Variants in FARS2 observed in about 807,000 individuals in gnomAD.
The protein encoded by FARS2 is phenylalanine--tRNA ligase, mitochondrial.
A neutral mutation model predicts 46.4 loss-of-function variants in FARS2; 40 were observed. The observed-to-expected ratio is 0.86, with a 90% CI of 0.67 to 1.12. The LOEUF (loss-of-function observed/expected upper bound fraction) is 1.12, where lower values mean the gene tolerates loss of function less well. Ranked by LOEUF, FARS2 falls within the 50% of genes most tolerant of loss-of-function variation. The probability of loss-of-function intolerance (pLI) is 0.00; values close to 1 mark genes in which losing one functional copy is unlikely to be tolerated. For missense variants in FARS2, 513 were observed against 567.9 expected, an observed-to-expected ratio of 0.90 and a Z score of 0.98; for synonymous variants, 234 against 214.9, an observed-to-expected ratio of 1.09 and a Z score of -0.78.
chr6:5,500,464 G>T (rs956393865), intron 4 of FARS2, among the ~76,000 whole-genome samples: 3 of 152,224 alleles, frequency 2.0e-5, no homozygotes, highest in Non-Finnish European at 2.9e-5. Context: ...TGACTGAAGG[G>T]AAATCAAGGC....
At chr6:5,616,021 A>T (rs944173046) in intron 6 of FARS2, among the ~76,000 whole-genome samples, 1 of 150,790 alleles carries the variant, frequency 6.6e-6, no homozygotes, top group Non-Finnish European at 1.5e-5. Flanking sequence ...AAAAAAAAAA[A>T]AAAAAAAAAA....
intron 1 of FARS2, among the ~76,000 whole-genome samples, chr6:5,340,545 TC>T (rs1403593309): frequency 1.3e-5 from 2 of 152,220 alleles, no homozygotes; most frequent in African/African-American, 4.8e-5. Context: ...TAAAAATCAA[TC>T]AGAATTTTCT....
chr6:5,539,407 T>TATATATATATATA (rs771563949), intron 4 of FARS2, among the ~76,000 whole-genome samples: 2 of 143,506 alleles, frequency 1.4e-5, no homozygotes, highest in Admixed American at 7.0e-5. Flanking sequence ...TATGTATATA[T>TATATATATATATA]TTTTTTAGTA....
intron 4 of FARS2, among the ~76,000 whole-genome samples, chr6:5,538,893 A>G (rs370160500): frequency 3.0e-4 from 45 of 152,308 alleles, no homozygotes; most frequent in African/African-American, 1.0e-3. Flanking sequence ...GATTATGCGA[A>G]TGAAAGGTTG....
At chr6:5,641,757 G>A (rs1776831504) in intron 6 of FARS2, among the ~76,000 whole-genome samples, 2 of 152,180 alleles carry the variant, frequency 1.3e-5, no homozygotes, top group Non-Finnish European at 2.9e-5. Flanking sequence ...ACCAAGAGCA[G>A]GATATCAAAG....
At chr6:5,274,413 T>C (rs965073610) in intron 1 of FARS2, among the ~76,000 whole-genome samples, 1 of 152,206 alleles carries the variant, frequency 6.6e-6, no homozygotes, top group Non-Finnish European at 1.5e-5. Context: ...CAGGAAGTTG[T>C]CTGGAAGGTT....
intron 5 of FARS2, among the ~76,000 whole-genome samples, chr6:5,588,784 G>C (rs1313098433): frequency 6.6e-6 from 1 of 152,116 alleles, no homozygotes; most frequent in Non-Finnish European, 1.5e-5. Context: ...TCTTTGTGGG[G>C]ATCCAACTGC....
intron 5 of FARS2, among the ~76,000 whole-genome samples, chr6:5,601,023 C>G (rs1042384657): frequency 2.6e-5 from 4 of 152,148 alleles, no homozygotes; most frequent in Admixed American, 6.5e-5. Context: ...ACTTGCAGCT[C>G]TCTCTTTCTC....
intron 2 of FARS2, among the ~76,000 whole-genome samples, chr6:5,396,871 TAC>T (rs145301215): frequency 2.1e-4 from 32 of 152,232 alleles, no homozygotes; most frequent in African/African-American, 7.5e-4. Flanking sequence ...CTGCCCTGGT[TAC>T]ACACAGTCTT....
At chr6:5,731,253 C>T (rs1213966894) in intron 6 of FARS2, among the ~76,000 whole-genome samples, 3 of 152,086 alleles carry the variant, frequency 2.0e-5, no homozygotes, top group Admixed American at 6.6e-5. Flanking sequence ...AGACAAGCCC[C>T]GCTCCTGTTT....
intron 6 of FARS2, among the ~76,000 whole-genome samples, chr6:5,663,016 CCTTCTGCTGCCTCCA>C (rs1255896053): frequency 1.3e-5 from 2 of 152,148 alleles, no homozygotes; most frequent in African/African-American, 2.4e-5. Flanking sequence ...AAGCCTGTTA[CCTTCTGCTGCCTCCA>C]CGTGTTGCAG....
intron 4 of FARS2, among the ~76,000 whole-genome samples, chr6:5,462,647 C>T (rs551975176): frequency 1.4e-4 from 22 of 152,258 alleles, no homozygotes; most frequent in African/African-American, 5.3e-4. Flanking sequence ...ATTAGTCCTT[C>T]CCCATTGAAT....
chr6:5,491,618 C>G (rs1173471649), intron 4 of FARS2, among the ~76,000 whole-genome samples: 2 of 152,206 alleles, frequency 1.3e-5, no homozygotes, highest in African/African-American at 4.8e-5. Context: ...AGGAGTCCTT[C>G]CCCGAAAGAT....
intron 6 of FARS2, among the ~76,000 whole-genome samples, chr6:5,750,287 G>A (rs1761873785): frequency 6.6e-6 from 1 of 152,108 alleles, no homozygotes; most frequent in African/African-American, 2.4e-5. Flanking sequence ...GCAGGATATA[G>A]AGGAAGGGGA....
chr6:5,559,567 C>T (rs1771873724), intron 5 of FARS2, among the ~76,000 whole-genome samples: 1 of 152,176 alleles, frequency 6.6e-6, no homozygotes, highest in South Asian at 2.1e-4. Context: ...GTCCAAAAAA[C>T]ATTCTGTAGG....
intron 6 of FARS2, among the ~76,000 whole-genome samples, chr6:5,678,477 G>A (rs753688604): frequency 2.6e-5 from 4 of 152,276 alleles, no homozygotes; most frequent in Non-Finnish European, 5.9e-5. Flanking sequence ...TCTTTCAGAG[G>A]CACTAAGTTT....
chr6:5,710,953 G>A (rs1348823016), intron 6 of FARS2, among the ~76,000 whole-genome samples: 2 of 152,174 alleles, frequency 1.3e-5, no homozygotes, highest in South Asian at 2.1e-4. Flanking sequence ...AACAGCCCTG[G>A]ACTGAAAGCT....
chr6:5,560,754 T>G (rs1313751497), intron 5 of FARS2, among the ~76,000 whole-genome samples: 1 of 152,208 alleles, frequency 6.6e-6, no homozygotes, highest in Non-Finnish European at 1.5e-5. Flanking sequence ...TATTAGGCTA[T>G]TCACATTTTC....
In FARS2 at chr6:5,327,914, C is replaced by T. The variant is rs149589339; in HGVS notation, c.-21-40636C>T. Among the ~76,000 whole-genome samples, 110 of 152,246 alleles carry T rather than the reference C, an allele frequency of 7.2e-4. 1 individual carries two copies. Among genetic ancestry groups the T allele is most frequent in the African/African-American group, 2.4e-3 (101 of 41,516 alleles). On this transcript the variant is annotated intron_variant, in intron 1 of 6. Transcript: ENST00000274680. ...CTTCCACTTGATGGGTTCCACTGGACGTTGATATTGTCCTGCACATTATTG... is the reference window on the plus strand; with the variant it reads ...CTTCCACTTGATGGGTTCCACTGGATGTTGATATTGTCCTGCACATTATTG...
Sources: gnomAD v4.1 joint callset for allele counts (sites outside exome capture counted in the v4.1 genomes callset) on GRCh38, gnomAD v4.1.1 for gene constraint, MANE v1.5 for transcripts, NCBI Gene and HGNC (gene_info 2026-07-23, HGNC 2026-07-21) for gene names.